FHOD3: variants seen among roughly 807,000 people sequenced by gnomAD.
FHOD3 encodes the protein formin homology 2 domain containing 3, also known as FH1/FH2 domain-containing protein 3.
FHOD3 carries 90 observed loss-of-function variants against 173.0 expected under a neutral mutation model. The observed-to-expected ratio is 0.52, with a 90% CI of 0.44 to 0.62. The LOEUF (loss-of-function observed/expected upper bound fraction) is 0.62. Ranked by LOEUF, FHOD3 falls within the 20% of genes least tolerant of loss-of-function variation. The pLI, the probability that FHOD3 is intolerant of heterozygous loss-of-function variation, is 0.00. For synonymous variants in FHOD3, 828 were observed against 823.0 expected (o/e 1.01, Z -0.10); for missense variants, 1,945 against 2,034.7 (o/e 0.96, Z 0.85).
intron 24 of FHOD3, among the ~76,000 whole-genome samples, chr18:36,754,593 C>T (rs10153358): frequency 0.22 from 33,435 of 151,918 alleles, 4,876 homozygotes; most frequent in African/African-American, 0.42. Context: ...ACAGCATCTA[C>T]TTAGAAGCTA....
intron 3 of FHOD3, among the ~76,000 whole-genome samples, chr18:36,427,054 TATAAG>T (rs879488190): frequency 1.1e-4 from 16 of 152,220 alleles, no homozygotes; most frequent in African/African-American, 2.2e-4. Context: ...CTAAGAAAAA[TATAAG>T]AGAAGATTTG....
intron 3 of FHOD3, among the ~76,000 whole-genome samples, chr18:36,442,991 T>G (rs1341681384): frequency 1.3e-5 from 2 of 152,218 alleles, no homozygotes; most frequent in African/African-American, 4.8e-5. Context: ...TGTTTGATGT[T>G]TCCTTGTGAT....
At chr18:36,356,260 T>G (rs2046355747) in intron 2 of FHOD3, among the ~76,000 whole-genome samples, 7 of 152,200 alleles carry the variant, frequency 4.6e-5, no homozygotes, top group Admixed American at 4.6e-4. Flanking sequence ...GAAAAAATAA[T>G]TATTAATTAT....
At chr18:36,384,542 C>T (rs1177523909) in intron 3 of FHOD3, among the ~76,000 whole-genome samples, 10 of 148,534 alleles carry the variant, frequency 6.7e-5, no homozygotes, top group Non-Finnish European at 3.0e-5. Flanking sequence ...TGCACTCCAG[C>T]CTAGGCAACA....
At chr18:36,359,506 C>A (rs905382078) in intron 2 of FHOD3, among the ~76,000 whole-genome samples, 3 of 152,052 alleles carry the variant, frequency 2.0e-5, no homozygotes, top group Admixed American at 6.5e-5. Flanking sequence ...GGTTATTTTT[C>A]CTGACGTTGT....
At chr18:36,354,832 A>G (rs1248109457) in intron 1 of FHOD3, among the ~76,000 whole-genome samples, 1 of 151,008 alleles carries the variant, frequency 6.6e-6, no homozygotes, top group African/African-American at 2.4e-5. Flanking sequence ...AAAATTTTTA[A>G]AAATGAGATC....
At chr18:36,634,683 T>A (rs1387014577) in intron 10 of FHOD3, among the ~76,000 whole-genome samples, 1 of 152,012 alleles carries the variant, frequency 6.6e-6, no homozygotes, top group Admixed American at 6.6e-5. Flanking sequence ...GGGGAGGGCA[T>A]AGGCGTGGTT....
At chr18:36,439,058 A>G (rs2050976515) in intron 3 of FHOD3, among the ~76,000 whole-genome samples, 1 of 152,248 alleles carries the variant, frequency 6.6e-6, no homozygotes, top group Non-Finnish European at 1.5e-5. Flanking sequence ...ACGAGAAAGA[A>G]TGTGAAAGCT....
At chr18:36,635,052 G>A (rs934671334) in intron 10 of FHOD3, among the ~76,000 whole-genome samples, 1 of 152,190 alleles carries the variant, frequency 6.6e-6, no homozygotes, top group Non-Finnish European at 1.5e-5. Context: ...AATACAGCCA[G>A]TGATTCAGCA....
At chr18:36,637,314 G>GT (rs2034960881) in intron 10 of FHOD3, among the ~76,000 whole-genome samples, 1 of 152,154 alleles carries the variant, frequency 6.6e-6, no homozygotes, top group Non-Finnish European at 1.5e-5. Context: ...TTGTTTTGGG[G>GT]TTTTTCTGAG....
chr18:36,494,143 T>C (rs1370267579), intron 3 of FHOD3, among the ~76,000 whole-genome samples: 2 of 152,146 alleles, frequency 1.3e-5, no homozygotes, highest in Non-Finnish European at 2.9e-5. Context: ...CACACTGAAG[T>C]TTTCTTCATT....
At chr18:36,427,266 T>C (rs1025269558) in intron 3 of FHOD3, among the ~76,000 whole-genome samples, 2 of 118,284 alleles carry the variant, frequency 1.7e-5, no homozygotes, top group Non-Finnish European at 3.3e-5. Context: ...ATCTTAAAAC[T>C]AGAACTGATC....
chr18:36,465,051 G>T (rs1398100671), intron 3 of FHOD3, among the ~76,000 whole-genome samples: 3 of 152,168 alleles, frequency 2.0e-5, no homozygotes, highest in Non-Finnish European at 4.4e-5. Context: ...GACATGGCTG[G>T]GCGCTGTGGC....
intron 17 of FHOD3, among the ~76,000 whole-genome samples, chr18:36,698,752 T>C (rs374529032): frequency 4.6e-5 from 7 of 152,198 alleles, no homozygotes; most frequent in African/African-American, 1.7e-4. Flanking sequence ...AGACACAAAA[T>C]TCCTGGGTCA....
At chr18:36,520,336 G>T (rs1387213115) in intron 5 of FHOD3, among the ~76,000 whole-genome samples, 1 of 152,134 alleles carries the variant, frequency 6.6e-6, no homozygotes, top group Admixed American at 6.5e-5. Flanking sequence ...AGTTGTAACA[G>T]AAATACTTCA....
At chr18:36,771,899 C>G (rs2043400756) in intron 28 of FHOD3, among the ~76,000 whole-genome samples, 1 of 152,214 alleles carries the variant, frequency 6.6e-6, no homozygotes, top group Non-Finnish European at 1.5e-5. Context: ...GGACATTGGA[C>G]TGGCTGGTCC....
chr18:36,300,345 A>G (rs1212532758), intron 1 of FHOD3, among the ~76,000 whole-genome samples: 1 of 152,192 alleles, frequency 6.6e-6, no homozygotes, highest in Non-Finnish European at 1.5e-5. Flanking sequence ...TCACCCGGTC[A>G]CCTTCAAGGG....
chr18:36,534,443 G>T (rs1400605928), intron 5 of FHOD3, among the ~76,000 whole-genome samples: 4 of 152,082 alleles, frequency 2.6e-5, no homozygotes, highest in Non-Finnish European at 5.9e-5. Context: ...AGGCTGACTG[G>T]CAGAGGTGGG....
At chr18:36,618,602 G>A (rs1006945505) in intron 9 of FHOD3, among the ~76,000 whole-genome samples, 5 of 152,070 alleles carry the variant, frequency 3.3e-5, no homozygotes, top group African/African-American at 7.2e-5. Context: ...GTGAGCCACC[G>A]CACCTGGCCA....
Sources: allele counts gnomAD v4.1 joint callset (sites outside exome capture counted in the v4.1 genomes callset), GRCh38; gene constraint gnomAD v4.1.1; transcripts MANE v1.5; gene names NCBI Gene and HGNC (gene_info 2026-07-23, HGNC 2026-07-21).